Variants in SFMBT2 observed in about 807,000 individuals in gnomAD.
SFMBT2 encodes the protein scm-like with four MBT domains protein 2.
In SFMBT2, 38 loss-of-function variants were observed where a neutral mutation model predicts 110.1. That is an observed-to-expected ratio of 0.35 (90% confidence interval 0.27 to 0.45). The LOEUF (loss-of-function observed/expected upper bound fraction) is 0.45. Ranked by LOEUF, SFMBT2 falls within the 20% of genes least tolerant of loss-of-function variation. The probability of loss-of-function intolerance (pLI) is 1.00; values close to 1 mark genes in which losing one functional copy is unlikely to be tolerated. For missense variants in SFMBT2, 1,011 were observed against 1,094.9 expected (o/e 0.92, Z 1.08); for synonymous variants, 425 against 425.4 (o/e 1.00, Z 0.01).
chr10:7,209,686 G>A (rs1839272201), intron 11 of SFMBT2, among the ~76,000 whole-genome samples: 1 of 152,228 alleles, frequency 6.6e-6, no homozygotes, highest in East Asian at 1.9e-4. Context: ...ATATTCATAT[G>A]TGCATAAAAT....
intron 1 of SFMBT2, among the ~76,000 whole-genome samples, chr10:7,401,688 C>G (rs758689690): frequency 6.6e-6 from 1 of 152,162 alleles, no homozygotes; most frequent in Non-Finnish European, 1.5e-5. Context: ...CCAAAACCTC[C>G]TTCCAAAGAC....
intron 4 of SFMBT2, among the ~76,000 whole-genome samples, chr10:7,298,504 C>G (rs1287053691): frequency 6.6e-6 from 1 of 152,186 alleles, no homozygotes; most frequent in Non-Finnish European, 1.5e-5. Context: ...CTCCTCTAAA[C>G]CAAAGGTTCT....
chr10:7,176,246 C>T, intron 16 of SFMBT2, 81 bp from the exon 17 acceptor site: 1 of 1,390,144 alleles, frequency 7.2e-7, no homozygotes, highest in Non-Finnish European at 1.0e-6. Flanking sequence ...ATTCCGAAGG[C>T]AGCAACTTCA....
intron 7 of SFMBT2, among the ~76,000 whole-genome samples, chr10:7,264,839 T>G (rs964722815): frequency 1.3e-5 from 2 of 151,762 alleles, no homozygotes; most frequent in African/African-American, 4.8e-5. Flanking sequence ...AAGTTCCTTA[T>G]ATCTTTATTC....
intron 16 of SFMBT2, 39 bp downstream of exon 16, chr10:7,188,585 T>G: frequency 6.5e-7 from 1 of 1,535,984 alleles, no homozygotes; most frequent in South Asian, 1.1e-5. Flanking sequence ...TGGGGAAGTA[T>G]TACAAAAACC....
intron 11 of SFMBT2, among the ~76,000 whole-genome samples, chr10:7,216,645 C>T (rs1839552582): frequency 1.3e-5 from 2 of 152,176 alleles, no homozygotes; most frequent in South Asian, 4.1e-4. Context: ...CCGTTTGCTT[C>T]TAAAAGTCTC....
intron 4 of SFMBT2, among the ~76,000 whole-genome samples, chr10:7,290,287 C>A (rs1842225475): frequency 6.6e-6 from 1 of 151,664 alleles, no homozygotes; most frequent in Non-Finnish European, 1.5e-5. Context: ...AAAGAAACTT[C>A]TACCACATTC....
intron 7 of SFMBT2, among the ~76,000 whole-genome samples, chr10:7,251,274 G>T (rs976326192): frequency 6.6e-6 from 1 of 152,054 alleles, no homozygotes; most frequent in Non-Finnish European, 1.5e-5. Context: ...AGGAGTTCGA[G>T]ACCAGCCTGG....
intron 9 of SFMBT2, chr10:7,241,392 T>C (rs1035967892): frequency 1.3e-5 from 12 of 925,444 alleles, no homozygotes; most frequent in Non-Finnish European, 1.4e-5. Flanking sequence ...CATTACTCAA[T>C]ATTCTACTTG....
At chr10:7,222,695 G>A (rs1423969026) in intron 10 of SFMBT2, among the ~76,000 whole-genome samples, 2 of 151,420 alleles carry the variant, frequency 1.3e-5, no homozygotes, top group Non-Finnish European at 2.9e-5. Context: ...TTTGAGACAG[G>A]GTCTCATTCT....
At chr10:7,202,612 C>T (rs1043741192) in intron 12 of SFMBT2, 90 bp from the exon 13 acceptor site, 1 of 1,599,710 alleles carries the variant, frequency 6.3e-7, no homozygotes, top group Admixed American at 1.7e-5. Context: ...AAAGAGGTAC[C>T]CATTTTAAAG....
Position 7,301,566 on chromosome 10 carries a change from G to C in SFMBT2, c.437-15612C>G, listed in dbSNP as rs987540676. 6.6e-6 allele frequency among the ~76,000 whole-genome samples: 1 copy of C among 152,162 alleles called. No homozygotes were observed. Among genetic ancestry groups the C allele is most frequent in the East Asian group, 1.9e-4 (1 of 5,192 alleles). ...ACTGAGACAGTGGGGGCAGGTCCCC[G>C]GGGCCGGCAAATTCGCGGAACACCA... On this transcript the variant is annotated intron_variant, in intron 4 of 20. Transcript: ENST00000397167. The surrounding 1 kb of genome is among the most constrained non-coding windows in gnomAD (Gnocchi z 4.2).
intron 4 of SFMBT2, among the ~76,000 whole-genome samples, chr10:7,333,744 C>A (rs1166148093): frequency 6.6e-6 from 1 of 150,832 alleles, no homozygotes; most frequent in East Asian, 2.0e-4. Flanking sequence ...CTCCCCAACA[C>A]CCCGCAAGGC....
chr10:7,334,281 T>C, intron 4 of SFMBT2, among the ~76,000 whole-genome samples: 1 of 151,414 alleles, frequency 6.6e-6, no homozygotes, highest in Non-Finnish European at 1.5e-5. Context: ...GGCCACCCCC[T>C]CCACCTTCCC....
rs1271429671 is a variant in SFMBT2, at chr10:7,220,466, C to T, written c.1275G>A (p.Leu425=). The T allele has an allele frequency of 2.4e-5, 38 of 1,614,072 alleles. No homozygotes were observed. The highest frequency in any genetic ancestry group is 3.1e-5 in the Non-Finnish European group (36 of 1,179,942). Residue 425 remains leucine (L), a synonymous_variant, in exon 11 of 21, where the codon CTG becomes CTA. Transcript: ENST00000397167. ...TCACACTCACAACGGAGGCCACACA[C>T]AGTTCTCCTGGATTCCTGGGGTTCA... The part of the protein sequence containing the change: ...EAVNPRNPGE[L]CVASVVSVKG...
intron 4 of SFMBT2, among the ~76,000 whole-genome samples, chr10:7,365,741 A>G (rs1220012682): frequency 1.3e-5 from 2 of 152,246 alleles, no homozygotes; most frequent in Non-Finnish European, 2.9e-5. Flanking sequence ...GCCACACAGC[A>G]TAGGATTCCA....
chr10:7,168,540 C>T (rs548992189), intron 20 of SFMBT2, among the ~76,000 whole-genome samples: 14 of 152,348 alleles, frequency 9.2e-5, no homozygotes, highest in South Asian at 4.1e-4. Flanking sequence ...CTGACAGATA[C>T]GCATCAGTGC....
chr10:7,315,104 G>T (rs868579398), intron 4 of SFMBT2, among the ~76,000 whole-genome samples: 1 of 142,902 alleles, frequency 7.0e-6, no homozygotes, highest in African/African-American at 2.5e-5. Context: ...AAGAAAGAAA[G>T]AAAGAAAAAG....
intron 9 of SFMBT2, among the ~76,000 whole-genome samples, chr10:7,240,113 T>C (rs574930881): frequency 1.4e-3 from 206 of 152,318 alleles, no homozygotes; most frequent in African/African-American, 4.8e-3. Context: ...AATGGTATTG[T>C]TACACGTCAT....
Sources: gnomAD v4.1 joint callset for allele counts (sites outside exome capture counted in the v4.1 genomes callset) on GRCh38, gnomAD v4.1.1 for gene constraint, Gnocchi (gnomAD v3.1) non-coding constraint, MANE v1.5 for transcripts, NCBI Gene and HGNC (gene_info 2026-07-23, HGNC 2026-07-21) for gene names.